The following CTNNB1 variants were observed in gnomAD, a reference collection of about 807,000 sequenced individuals.
CTNNB1 encodes catenin beta-1.
CTNNB1 carries 6 observed loss-of-function variants against 82.5 expected under a neutral mutation model. The observed-to-expected ratio is 0.07, with a 90% CI of 0.04 to 0.14. The LOEUF is 0.14. Ranked by LOEUF, CTNNB1 falls within the 10% of genes least tolerant of loss-of-function variation. The pLI is 1.00. For synonymous variants in CTNNB1, 312 were observed against 329.7 expected (o/e 0.95, Z 0.58); for missense variants, 529 against 980.4 (o/e 0.54, Z 6.15).
intron 1 of CTNNB1, among the ~76,000 whole-genome samples, chr3:41,202,754 T>C (rs1273359010): frequency 6.6e-6 from 1 of 152,186 alleles, no homozygotes; most frequent in East Asian, 1.9e-4. Context: ...GAAAATAATA[T>C]GATTTGTGTT....
At chr3:41,227,454 A>T in intron 7 of CTNNB1, 102 bp downstream of exon 7, 1 of 1,236,656 alleles carries the variant, frequency 8.1e-7, no homozygotes, top group Non-Finnish European at 1.2e-6. Flanking sequence ...TACTGAAAAT[A>T]AATGGTCCTA....
intron 1 of CTNNB1, among the ~76,000 whole-genome samples, chr3:41,209,211 C>CT (rs2077720551): frequency 6.6e-6 from 1 of 152,070 alleles, no homozygotes; most frequent in Non-Finnish European, 1.5e-5. Flanking sequence ...GTCCTTGAAT[C>CT]TTTTTTTGTT....
At chr3:41,228,149 CTT>C (rs1471631137) in intron 7 of CTNNB1, among the ~76,000 whole-genome samples, 1 of 152,062 alleles carries the variant, frequency 6.6e-6, no homozygotes, top group East Asian at 1.9e-4. Context: ...AATTCCATAT[CTT>C]TGCTATTGTG....
Position 41,233,877 on chromosome 3 carries a change from C to A in CTNNB1, c.1524+10C>A, listed in dbSNP as rs748732228. On this transcript the variant is annotated intron_variant, in intron 9 of 14. Coordinates refer to ENST00000349496, the MANE Select transcript of CTNNB1 (RefSeq NM_001904.4). ...CTGGCCTCTGATAAAGGTAAATTGT[C>A]AAAGTAGAATTTACCTTTGTTGCAG... 2.5e-6 allele frequency: 4 copies of A among 1,611,472 alleles called. No individual in the cohort carries two copies. The African/African-American group carries it at 5.3e-5, about 22-fold the overall frequency.
chr3:41,209,535 C>T (rs1291625611), intron 1 of CTNNB1, among the ~76,000 whole-genome samples: 5 of 152,136 alleles, frequency 3.3e-5, no homozygotes, highest in African/African-American at 1.2e-4. Flanking sequence ...AGAATAAAGT[C>T]ACGTGTCATT....
At position 41,225,479 on chromosome 3, in the gene CTNNB1, C is replaced by T. The variant is rs2078155192; in HGVS notation, c.641C>T (p.Thr214Ile). 1.2e-6 allele frequency: 2 copies of T among 1,614,026 alleles called. No individual in the cohort carries two copies. The highest frequency in any genetic ancestry group is 1.3e-5 in the African/African-American group (1 of 75,052). ...AATGATGTAGAAACAGCTCGTTGTA[C>T]CGCTGGGACCTTGCATAACCTTTCC... ...NTNDVETARC[T>I]AGTLHNLSHH... Residue 214 changes from threonine (T) to isoleucine (I), a missense_variant, in exon 5 of 15, where the codon ACC becomes ATC. Transcript: ENST00000349496. This position sits in a 1 kb window ranked among gnomAD's most constrained non-coding sequence, Gnocchi z 5.3.
chr3:41,238,837 T>C (rs866740496), intron 14 of CTNNB1, among the ~76,000 whole-genome samples: 1 of 152,154 alleles, frequency 6.6e-6, no homozygotes, highest in African/African-American at 2.4e-5. Flanking sequence ...CCCAAGTCTC[T>C]TGACAGGGGT....
chr3:41,227,196 A>G lies in CTNNB1; in HGVS notation c.937-12A>G, dbSNP rs973039284. On this transcript the variant is annotated splice_polypyrimidine_tract_variant and intron_variant, in intron 6 of 14. Coordinates refer to ENST00000349496, the MANE Select transcript of CTNNB1 (RefSeq NM_001904.4). ...TCCTTGACTAACAAGATATATATAT[A>G]TATCTTTCTAGCTCATCATACTGGC... 5.0e-6 allele frequency: 8 copies of G among 1,598,842 alleles called. No individual in the cohort carries two copies. Among genetic ancestry groups the G allele is most frequent in the Middle Eastern group, 1.7e-4 (1 of 6,006 alleles).
At chr3:41,218,643 T>A (rs139660836) in intron 1 of CTNNB1, among the ~76,000 whole-genome samples, 1 of 152,356 alleles carries the variant, frequency 6.6e-6, no homozygotes, top group African/African-American at 2.4e-5. Flanking sequence ...CTCAGATGAT[T>A]CTCCCACCTC....
chr3:41,213,401 C>G (rs533367367), intron 1 of CTNNB1, among the ~76,000 whole-genome samples: 5 of 152,196 alleles, frequency 3.3e-5, no homozygotes, highest in Admixed American at 6.5e-5. Context: ...TGTAATCCCA[C>G]TCCCTTCTCC....
In CTNNB1 at chr3:41,239,750, A is replaced by G; in HGVS notation, c.*408A>G. The G allele has an allele frequency of 3.0e-6, 1 of 331,976 alleles. No homozygotes were observed. Among genetic ancestry groups the G allele is most frequent in the Non-Finnish European group, 5.6e-6 (1 of 177,378 alleles). The allele number at this position is 331,976 out of a possible 1,614,324, so 20.6% of individuals were successfully genotyped here. On this transcript the variant is annotated 3_prime_UTR_variant, in exon 15 of 15. Coordinates refer to ENST00000349496, the MANE Select transcript of CTNNB1 (RefSeq NM_001904.4). Reference sequence around the variant, plus strand: ...TGGTATCTCAGAAAGTGCCTGACACACTAACCAAGCTGAGTTTCCTATGGG... The same window carrying G: ...TGGTATCTCAGAAAGTGCCTGACACGCTAACCAAGCTGAGTTTCCTATGGG...
chr3:41,237,898 A>G lies in CTNNB1; in HGVS notation c.2077-118A>G, dbSNP rs1217743253. On this transcript the variant is annotated intron_variant, in intron 13 of 14. Coordinates refer to ENST00000349496, the MANE Select transcript of CTNNB1 (RefSeq NM_001904.4). ...CTTCCATTTTCTAAGCATTTGTGTA[A>G]TGTTGGAGTTACTTGTTCCTTTTGT... 6 of 828,926 alleles carry G rather than the reference A, an allele frequency of 7.2e-6. No homozygotes were observed. In the East Asian group the frequency reaches 1.5e-4, roughly 20 times the overall value. 51.3% of individuals were successfully genotyped at this position (828,926 alleles called of 1,614,324 possible). A position where few individuals can be genotyped will look rare whatever the true frequency, so the allele number is the denominator to read the frequency against.
chr3:41,212,669 A>T (rs1487805609), intron 1 of CTNNB1, among the ~76,000 whole-genome samples: 6 of 152,214 alleles, frequency 3.9e-5, no homozygotes, highest in Non-Finnish European at 5.9e-5. Context: ...CCTATTAAAC[A>T]TTTGAAATGT....
intron 6 of CTNNB1, among the ~76,000 whole-genome samples, chr3:41,226,174 C>T (rs1263625259): frequency 2.6e-5 from 4 of 152,156 alleles, no homozygotes; most frequent in Non-Finnish European, 5.9e-5. Context: ...AGGTAATGCT[C>T]GCTCACCTGC....
intron 7 of CTNNB1, among the ~76,000 whole-genome samples, chr3:41,232,760 G>T (rs1211391025): frequency 6.6e-6 from 1 of 152,036 alleles, no homozygotes; most frequent in Non-Finnish European, 1.5e-5. Flanking sequence ...CTTACCCCAG[G>T]AATTTACCTA....
chr3:41,202,087 T>C (rs1270768881), intron 1 of CTNNB1, among the ~76,000 whole-genome samples: 1 of 152,168 alleles, frequency 6.6e-6, no homozygotes, highest in Non-Finnish European at 1.5e-5. Flanking sequence ...GAATTAAAAG[T>C]TTGAATATAA....
chr3:41,224,564 A>G lies in CTNNB1; in HGVS notation c.52A>G (p.Arg18Gly). ...MELDMAMEPD[R>G]KAAVSHWQQQ... ...GTTGGACATGGCCATGGAACCAGAC[A>G]GAAAAGCGGCTGTTAGTCACTGGCA... Residue 18 changes from arginine to glycine, a missense_variant, in exon 3 of 15, where the codon AGA (arginine) becomes GGA (glycine). Arg to Gly is a moderately radical substitution (Grantham distance 125). Coordinates refer to ENST00000349496, the MANE Select transcript of CTNNB1 (RefSeq NM_001904.4). 3 of 1,613,976 alleles carry G rather than the reference A, an allele frequency of 1.9e-6. No homozygotes were observed. Among genetic ancestry groups the G allele is most frequent in the African/African-American group, 1.3e-5 (1 of 75,040 alleles).
chr3:41,236,785 C>T, intron 13 of CTNNB1, 76 bp downstream of exon 13: 1 of 1,571,112 alleles, frequency 6.4e-7, no homozygotes, highest in Non-Finnish European at 8.7e-7. Flanking sequence ...CCTCTCAAAA[C>T]ACTTAGTACA....
chr3:41,238,166 C>G (rs929920992), intron 14 of CTNNB1, 90 bp downstream of exon 14: 12 of 1,138,114 alleles, frequency 1.1e-5, no homozygotes, highest in Non-Finnish European at 1.5e-5. Context: ...TCTGGGAAAC[C>G]AGTGTTGGCA....
Sources: gnomAD v4.1 joint callset for allele counts (sites outside exome capture counted in the v4.1 genomes callset) on GRCh38, gnomAD v4.1.1 for gene constraint, Gnocchi (gnomAD v3.1) non-coding constraint, MANE v1.5 for transcripts, NCBI Gene and HGNC (gene_info 2026-07-23, HGNC 2026-07-21) for gene names.